ZMAT4: variants seen among roughly 807,000 people sequenced by gnomAD.
The protein encoded by ZMAT4 is zinc finger matrin-type protein 4.
Under a neutral mutation model 28.7 loss-of-function variants are expected in ZMAT4, and 17 were observed. The observed-to-expected ratio is 0.59, with a 90% confidence interval of 0.41 to 0.89. The LOEUF is 0.89. Ranked by LOEUF, ZMAT4 falls within the 40% of genes least tolerant of loss-of-function variation. ZMAT4 has a pLI of 0.00. For synonymous variants in ZMAT4, 117 were observed against 109.2 expected, an observed-to-expected ratio of 1.07 and a Z score of -0.44; for missense variants, 240 against 283.8, an observed-to-expected ratio of 0.85 and a Z score of 1.11.
chr8:40,688,203 A>T (rs1481815108), intron 4 of ZMAT4, among the ~76,000 whole-genome samples: 3 of 152,188 alleles, frequency 2.0e-5, no homozygotes, highest in Non-Finnish European at 2.9e-5. Context: ...CATGCCTGTA[A>T]TCCCAGCACT....
chr8:40,801,351 A>ATATATATATATATATAT (rs1554559738), intron 2 of ZMAT4, among the ~76,000 whole-genome samples: 60 of 97,238 alleles, frequency 6.2e-4, no homozygotes, highest in African/African-American at 2.0e-3. Context: ...TAAAAAAAAA[A>ATATATATATATATATAT]ATATATATAT....
chr8:40,740,576 G>A (rs553225965), intron 3 of ZMAT4, among the ~76,000 whole-genome samples: 20 of 152,114 alleles, frequency 1.3e-4, no homozygotes, highest in African/African-American at 4.1e-4. Context: ...TTAAAATATC[G>A]GTTTTTATTG....
intron 5 of ZMAT4, among the ~76,000 whole-genome samples, chr8:40,653,448 A>G (rs1807776034): frequency 6.6e-6 from 1 of 152,154 alleles, no homozygotes; most frequent in South Asian, 2.1e-4. Flanking sequence ...AAAAACAATA[A>G]TGGAAGTCAA....
intron 1 of ZMAT4, among the ~76,000 whole-genome samples, chr8:40,846,756 G>A (rs1010888756): frequency 6.6e-6 from 1 of 152,306 alleles, no homozygotes; most frequent in East Asian, 1.9e-4. Flanking sequence ...CGTGTATGAG[G>A]CTCACCTCTC....
chr8:40,865,105 G>A (rs1169546378), intron 1 of ZMAT4, among the ~76,000 whole-genome samples: 1 of 152,114 alleles, frequency 6.6e-6, no homozygotes, highest in African/African-American at 2.4e-5. Context: ...TTAAACGTAC[G>A]CTTTTTGCAC....
intron 6 of ZMAT4, among the ~76,000 whole-genome samples, chr8:40,557,178 C>T (rs1803569439): frequency 6.6e-6 from 1 of 152,076 alleles, no homozygotes; most frequent in Admixed American, 6.6e-5. Flanking sequence ...AAAAGGATAC[C>T]TGCACTCTCA....
intron 6 of ZMAT4, among the ~76,000 whole-genome samples, chr8:40,538,638 G>T (rs1407624988): frequency 1.3e-5 from 2 of 152,116 alleles, no homozygotes; most frequent in African/African-American, 4.8e-5. Flanking sequence ...TTCACTTACA[G>T]AACTCGAAAT....
At chr8:40,602,844 C>T (rs1805445954) in intron 5 of ZMAT4, among the ~76,000 whole-genome samples, 1 of 152,144 alleles carries the variant, frequency 6.6e-6, no homozygotes, top group Non-Finnish European at 1.5e-5. Flanking sequence ...CGAAGATTTT[C>T]TCTCACTCTG....
At chr8:40,590,975 G>C (rs62505446) in intron 5 of ZMAT4, among the ~76,000 whole-genome samples, 33,879 of 152,014 alleles carry the variant, frequency 0.22, 4,459 homozygotes, top group Non-Finnish European at 0.3. Context: ...TGTCTAGAGT[G>C]CTCTGAAAAC....
chr8:40,546,118 G>A lies in ZMAT4; in HGVS notation c.675-13880C>T, dbSNP rs150008421. On this transcript the variant is annotated intron_variant, in intron 6 of 6. Coordinates refer to ENST00000297737, the MANE Select transcript of ZMAT4 (RefSeq NM_024645.3). ...GTAAGAGTAGCTGGAGGAAAACAAC[G>A]CAAAGCAAACCACAAGGCACAGTAA... Among the ~76,000 whole-genome samples, 31 of 151,988 alleles carry A rather than the reference G, an allele frequency of 2.0e-4. No individual in the cohort carries two copies. In the East Asian group the frequency reaches 4.5e-3, roughly 22 times the overall value.
At chr8:40,685,325 G>T (rs1484881061) in intron 4 of ZMAT4, among the ~76,000 whole-genome samples, 1 of 152,108 alleles carries the variant, frequency 6.6e-6, no homozygotes, top group Non-Finnish European at 1.5e-5. Context: ...CTACACCACT[G>T]CTTCTCCAAT....
At chr8:40,684,554 G>A (rs1809317516) in intron 4 of ZMAT4, among the ~76,000 whole-genome samples, 1 of 152,196 alleles carries the variant, frequency 6.6e-6, no homozygotes, top group African/African-American at 2.4e-5. Context: ...AATTCTACCA[G>A]TCTTCCCCAG....
At chr8:40,773,801 G>A (rs1300877411) in intron 2 of ZMAT4, among the ~76,000 whole-genome samples, 4 of 151,802 alleles carry the variant, frequency 2.6e-5, no homozygotes, top group Admixed American at 6.6e-5. Context: ...GATCTATGTA[G>A]AAGTCAAGAT....
chr8:40,830,394 A>G (rs1053894878), intron 1 of ZMAT4, among the ~76,000 whole-genome samples: 1 of 151,980 alleles, frequency 6.6e-6, no homozygotes, highest in Non-Finnish European at 1.5e-5. Context: ...ACGTGTACCC[A>G]TTGTTTAGCT....
chr8:40,555,162 T>C (rs1803492478), intron 6 of ZMAT4, among the ~76,000 whole-genome samples: 1 of 152,190 alleles, frequency 6.6e-6, no homozygotes, highest in East Asian at 1.9e-4. Context: ...TCTTTTTATA[T>C]GGCCAAATAA....
intron 1 of ZMAT4, among the ~76,000 whole-genome samples, chr8:40,880,880 T>A (rs1272086384): frequency 2.6e-5 from 4 of 152,156 alleles, no homozygotes; most frequent in Admixed American, 2.0e-4. Flanking sequence ...GTTTTCACAC[T>A]CTACGCTTGT....
intron 1 of ZMAT4, among the ~76,000 whole-genome samples, chr8:40,886,872 T>C (rs1818467412): frequency 7.0e-6 from 1 of 142,942 alleles, no homozygotes; most frequent in Admixed American, 7.1e-5. Context: ...ATGACTGATT[T>C]AAAAAGCCCA....
At chr8:40,602,343 T>C (rs1274645421) in intron 5 of ZMAT4, among the ~76,000 whole-genome samples, 2 of 152,202 alleles carry the variant, frequency 1.3e-5, no homozygotes, top group Admixed American at 6.5e-5. Context: ...CAAGAATCTT[T>C]TTCGTATAAT....
intron 5 of ZMAT4, among the ~76,000 whole-genome samples, chr8:40,615,388 C>A (rs1334468950): frequency 2.0e-5 from 3 of 152,148 alleles, no homozygotes; most frequent in Non-Finnish European, 4.4e-5. Context: ...TTTGGTGAAT[C>A]TGACAATTAT....
Sources: allele counts gnomAD v4.1 joint callset (sites outside exome capture counted in the v4.1 genomes callset), GRCh38; gene constraint gnomAD v4.1.1; transcripts MANE v1.5; gene names NCBI Gene and HGNC (gene_info 2026-07-23, HGNC 2026-07-21).